The following SLC12A3 variants were observed in gnomAD, a reference collection of about 807,000 sequenced individuals.
SLC12A3 encodes Na-Cl cotransporter.
In SLC12A3, 104 loss-of-function variants were observed where a neutral mutation model predicts 121.0. The ratio of observed to expected loss-of-function variants is 0.86; its 90% CI spans 0.73 to 1.01. The LOEUF is 1.01. SLC12A3 is among the 50% of genes least tolerant of loss of function. The pLI is 0.00. For synonymous variants in SLC12A3, 536 were observed against 533.4 expected, an observed-to-expected ratio of 1.00 and a Z score of -0.07; for missense variants, 1,328 against 1,356.3, an observed-to-expected ratio of 0.98 and a Z score of 0.33.
intron 8 of SLC12A3, among the ~76,000 whole-genome samples, chr16:56,875,980 G>A (rs145066434): frequency 1.1e-3 from 174 of 151,958 alleles, no homozygotes; most frequent in Admixed American, 1.8e-3. Flanking sequence ...CAAATTGGGT[G>A]GCTTAAAAAC....
chr16:56,880,359 G>T (rs1486926749), intron 12 of SLC12A3, 106 bp downstream of exon 12: 1 of 1,402,942 alleles, frequency 7.1e-7, no homozygotes, highest in Non-Finnish European at 9.7e-7. Flanking sequence ...TCCCCGCCGG[G>T]CCTGACAGTT....
At chr16:56,908,401 T>C (rs1026772409) in intron 25 of SLC12A3, among the ~76,000 whole-genome samples, 1 of 151,988 alleles carries the variant, frequency 6.6e-6, no homozygotes, top group Admixed American at 6.6e-5. Flanking sequence ...CACCTCAGCC[T>C]CCCAAAGTGC....
At position 56,870,169 on chromosome 16, in the gene SLC12A3, C is replaced by T. The variant is rs369387970; in HGVS notation, c.675C>T (p.Phe225=). The change falls in exon 5 of 26, where the codon TTC becomes TTT. Residue 225 remains phenylalanine (F), a synonymous_variant. Transcript: ENST00000563236. ...GCTCCATCGGCCTCATTTTCGCTTT[C>T]GCCAATGCCGTGGGTGTGGCCATGC... The part of the protein sequence containing the change: ...LGGSIGLIFA[F]ANAVGVAMHT... 60 of 1,614,058 alleles carry T rather than the reference C, an allele frequency of 3.7e-5. No individual in the cohort carries two copies. The highest frequency in any genetic ancestry group is 1.6e-4 in the Middle Eastern group (1 of 6,062).
At chr16:56,873,854 G>C (rs2055134518) in intron 8 of SLC12A3, among the ~76,000 whole-genome samples, 1 of 151,872 alleles carries the variant, frequency 6.6e-6, no homozygotes, top group Admixed American at 6.6e-5. Flanking sequence ...TGAGACTACA[G>C]GCACCTGCCA....
At chr16:56,899,006 G>A (rs1285642920) in intron 22 of SLC12A3, among the ~76,000 whole-genome samples, 1 of 152,090 alleles carries the variant, frequency 6.6e-6, no homozygotes, top group East Asian at 1.9e-4. Flanking sequence ...GAAAATTTGG[G>A]GTGCGCTAGT....
intron 13 of SLC12A3, 41 bp downstream of exon 13, chr16:56,882,538 G>T: frequency 6.7e-7 from 1 of 1,496,200 alleles, no homozygotes; most frequent in Non-Finnish European, 9.3e-7. Flanking sequence ...AGGCACCCAG[G>T]GGGCAGGAGG....
At chr16:56,887,798 A>ATATATATATATTTTT in intron 17 of SLC12A3, 127 bp from the exon 18 acceptor site, 32 of 68,430 alleles carry the variant, frequency 4.7e-4, no homozygotes, top group Non-Finnish European at 6.3e-4. Context: ...ATATATATAT[A>ATATATATATATTTTT]TTTTTTTTTT....
chr16:56,881,336 C>G (rs190653910), intron 12 of SLC12A3, among the ~76,000 whole-genome samples: 1 of 152,254 alleles, frequency 6.6e-6, no homozygotes, highest in East Asian at 1.9e-4. Flanking sequence ...ATGGAAAAGT[C>G]TGGTCAGACT....
chr16:56,874,847 G>A (rs1230715681), intron 8 of SLC12A3, among the ~76,000 whole-genome samples: 7 of 152,112 alleles, frequency 4.6e-5, no homozygotes, highest in Non-Finnish European at 8.8e-5. Flanking sequence ...ACATGGAGTC[G>A]ACTGTGAAGC....
intron 5 of SLC12A3, 115 bp from the exon 6 acceptor site, chr16:56,870,511 G>A: frequency 1.2e-6 from 1 of 814,096 alleles, no homozygotes; most frequent in South Asian, 1.4e-5. Context: ...TGGTGCTTGA[G>A]TTAACATCGT....
chr16:56,911,716 T>TA (rs550872872), intron 25 of SLC12A3, among the ~76,000 whole-genome samples: 24 of 152,178 alleles, frequency 1.6e-4, no homozygotes, highest in South Asian at 6.2e-4. Context: ...GTATCCCAGT[T>TA]ACCCTTCTCA....
At chr16:56,887,208 A>C in intron 17 of SLC12A3, 115 bp downstream of exon 17, 8 of 1,371,724 alleles carry the variant, frequency 5.8e-6, no homozygotes, top group Admixed American at 2.2e-5. Context: ...AAGGAGCCCC[A>C]ACTTTTTTTT....
chr16:56,888,748 C>A (rs147958558), intron 18 of SLC12A3, among the ~76,000 whole-genome samples: 2 of 151,506 alleles, frequency 1.3e-5, no homozygotes, highest in Non-Finnish European at 2.9e-5. Flanking sequence ...TTAGTAGAGA[C>A]GGGGTTTCAC....
intron 19 of SLC12A3, among the ~76,000 whole-genome samples, chr16:56,890,867 A>G (rs186715856): frequency 2.0e-5 from 3 of 149,426 alleles, no homozygotes; most frequent in African/African-American, 7.4e-5. Flanking sequence ...GCGCCATTGC[A>G]CTCCATCCTG....
chr16:56,881,134 G>A (rs1434272605), intron 12 of SLC12A3, among the ~76,000 whole-genome samples: 2 of 152,252 alleles, frequency 1.3e-5, no homozygotes, highest in South Asian at 2.1e-4. Context: ...ATGCAGGAGT[G>A]GGATGGGGGT....
chr16:56,872,461 G>A lies in SLC12A3; in HGVS notation c.963G>A (p.Arg321=). 6.2e-7 allele frequency: 1 copy of A among 1,612,172 alleles called. No homozygotes were observed. The highest frequency in any genetic ancestry group is 8.5e-7 in the Non-Finnish European group (1 of 1,178,392). ...CCTCCAAAGGCTTCTTCAGCTACCG[G>A]GGTATGTGCTGATCAAGGCCCTGAC... ...DKASKGFFSY[R]ADIFVQNLVP... is the part of the protein sequence containing the mutation. The change falls in exon 7 of 26, where the codon CGG becomes CGA. Residue 321 remains arginine (R), a splice_region_variant and synonymous_variant. Coordinates refer to ENST00000563236, the MANE Select transcript of SLC12A3 (RefSeq NM_001126108.2).
In SLC12A3 at chr16:56,913,486, G is replaced by A. The variant is rs1287775649; in HGVS notation, c.*81G>A. 3 of 1,363,480 alleles carry A rather than the reference G, an allele frequency of 2.2e-6. No individual in the cohort carries two copies. Among genetic ancestry groups the A allele is most frequent in the African/African-American group, 1.4e-5 (1 of 69,934 alleles). 84.5% of individuals were successfully genotyped at this position (1,363,480 alleles called of 1,614,324 possible). A position where few individuals can be genotyped will look rare whatever the true frequency, so the allele number is the denominator to read the frequency against. ...TTGATTGCCTCTAGTCCACAGGGAT[G>A]AGACTCATGTTCTGTTGCACTTTAA... On this transcript the variant is annotated 3_prime_UTR_variant, in exon 26 of 26. Coordinates refer to ENST00000563236, the MANE Select transcript of SLC12A3 (RefSeq NM_001126108.2).
At position 56,869,959 on chromosome 16, in the gene SLC12A3, T is replaced by C. The variant is rs576727222; in HGVS notation, c.601+135T>C. The C allele has an allele frequency of 1.7e-5, 23 of 1,377,976 alleles. 1 individual carries two copies. The African/African-American group carries it at 1.8e-4, about 11-fold the overall frequency. 85.4% of individuals were successfully genotyped at this position (1,377,976 alleles called of 1,614,324 possible). A position where few individuals can be genotyped will look rare whatever the true frequency, so the allele number is the denominator to read the frequency against. On this transcript the variant is annotated intron_variant, in intron 4 of 25. Transcript: ENST00000563236. ...CCGGGAGAGGGCTCTAGGCAGGCTG[T>C]CTACACCACGAGATGGCCTCAGCTA...
rs754378340 is a variant in SLC12A3, at chr16:56,894,540, TC to T, written c.2533del (p.Leu845SerfsTer21). On this transcript the variant is annotated frameshift_variant, in exon 22 of 26. Coordinates refer to ENST00000563236, the MANE Select transcript of SLC12A3 (RefSeq NM_001126108.2). LOFTEE classifies it high-confidence loss of function. ...GGACTCTCCTTGCCAGGCCTCACCC[TC>T]CTCATTCCCTATCTCCTTGGCCGCA... ...YWLFDDGGLT[L>X]LIPYLLGRKR... 2.5e-6 allele frequency: 4 copies of T among 1,613,356 alleles called. No homozygotes were observed. Among genetic ancestry groups the T allele is most frequent in the Non-Finnish European group, 3.4e-6 (4 of 1,179,572 alleles).
Sources: allele counts gnomAD v4.1 joint callset (sites outside exome capture counted in the v4.1 genomes callset), GRCh38; gene constraint gnomAD v4.1.1; transcripts MANE v1.5; gene names NCBI Gene and HGNC (gene_info 2026-07-23, HGNC 2026-07-21).